Variants in NFIB observed in about 807,000 individuals in gnomAD.
The protein encoded by NFIB is nuclear factor 1 B-type.
In NFIB, 11 loss-of-function variants were observed where a neutral mutation model predicts 61.5. The ratio of observed to expected loss-of-function variants is 0.18; its 90% CI spans 0.11 to 0.30. The LOEUF (loss-of-function observed/expected upper bound fraction) is 0.30, where lower values mean the gene tolerates loss of function less well. Among genes scored for constraint, NFIB ranks in the 10% least tolerant of loss-of-function variants. The pLI, the probability that NFIB is intolerant of heterozygous loss-of-function variation, is 1.00. For missense variants in NFIB, 471 were observed against 608.9 expected (o/e 0.77, Z 2.38); for synonymous variants, 260 against 216.5 (o/e 1.20, Z -1.76).
chr9:14,523,429 A>G, the NFIB span, among the ~76,000 whole-genome samples: 1 of 151,938 alleles, frequency 6.6e-6, no homozygotes, highest in Non-Finnish European at 1.5e-5. Flanking sequence ...TACCCATTCT[A>G]CTTGAGGTTT....
chr9:14,202,687 T>A (rs1040380892), intron 2 of NFIB, among the ~76,000 whole-genome samples: 1 of 152,210 alleles, frequency 6.6e-6, no homozygotes, highest in South Asian at 2.1e-4. Context: ...ACGACCCATA[T>A]GTGTAGTATT....
chr9:14,516,146 G>A, the NFIB span, among the ~76,000 whole-genome samples: 3 of 152,214 alleles, frequency 2.0e-5, no homozygotes, highest in East Asian at 1.9e-4. Context: ...ACAGTCAGGC[G>A]CAGGCCCCAG....
At position 14,120,324 on chromosome 9, in the gene NFIB, T is replaced by C. The variant is rs2038756624; in HGVS notation, c.1245+116A>G. The C allele has an allele frequency of 1.8e-6, 2 of 1,132,752 alleles. No individual in the cohort carries two copies. The highest frequency in any genetic ancestry group is 2.6e-6 in the Non-Finnish European group (2 of 759,362). The allele number at this position is 1,132,752 out of a possible 1,614,324, so 70.2% of individuals were successfully genotyped here. A position where few individuals can be genotyped will look rare whatever the true frequency, so the allele number is the denominator to read the frequency against. ...GAGTCACCAAGCAACTTCCTGAAGA[T>C]GGATTTCAAGGCTTGACGTTCTGCC... On this transcript the variant is annotated intron_variant, in intron 8 of 10. Coordinates refer to ENST00000380953, the MANE Select transcript of NFIB (RefSeq NM_001190737.2). This position sits in a 1 kb window ranked among gnomAD's most constrained non-coding sequence, Gnocchi z 4.4.
the NFIB span, among the ~76,000 whole-genome samples, chr9:14,427,467 A>G: frequency 6.6e-6 from 1 of 152,188 alleles, no homozygotes; most frequent in Non-Finnish European, 1.5e-5. Context: ...AAAGTCATCA[A>G]GCAGGTAATT....
intron 1 of NFIB, among the ~76,000 whole-genome samples, chr9:14,358,994 G>C (rs2061208154): frequency 6.6e-6 from 1 of 152,182 alleles, no homozygotes. Flanking sequence ...TCTGGTAGTA[G>C]AAACACCGGA....
intron 2 of NFIB, among the ~76,000 whole-genome samples, chr9:14,195,922 A>G (rs1023004829): frequency 6.6e-6 from 1 of 152,160 alleles, no homozygotes; most frequent in African/African-American, 2.4e-5. Context: ...GAAAATGCAT[A>G]ATAATAAAAT....
intron 4 of NFIB, among the ~76,000 whole-genome samples, chr9:14,151,011 G>A (rs558678612): frequency 6.6e-6 from 1 of 152,206 alleles, no homozygotes; most frequent in South Asian, 2.1e-4. Context: ...GCAGCATATT[G>A]TGTTAGAATC....
chr9:14,528,509 A>G, the NFIB span, among the ~76,000 whole-genome samples: 1 of 152,192 alleles, frequency 6.6e-6, no homozygotes, highest in African/African-American at 2.4e-5. Flanking sequence ...ACTATTTACA[A>G]GACTACGAGA....
the NFIB span, among the ~76,000 whole-genome samples, chr9:14,415,194 T>C: frequency 3.9e-5 from 6 of 152,206 alleles, no homozygotes; most frequent in Non-Finnish European, 7.3e-5. Context: ...GGCCCCACTT[T>C]CTTGCTGGCT....
At chr9:14,420,445 CAAAAAAAAAAAA>C in the NFIB span, among the ~76,000 whole-genome samples, 2 of 42,418 alleles carry the variant, frequency 4.7e-5, no homozygotes, top group African/African-American at 9.5e-5. Flanking sequence ...GACTCCGTCT[CAAAAAAAAAAAA>C]AAAAAAAAAA....
chr9:14,527,494 T>C, the NFIB span, among the ~76,000 whole-genome samples: 1 of 152,210 alleles, frequency 6.6e-6, no homozygotes, highest in Non-Finnish European at 1.5e-5. Context: ...AATAGCTATA[T>C]AGTTAGCAAC....
intron 1 of NFIB, among the ~76,000 whole-genome samples, chr9:14,354,703 G>T (rs914282980): frequency 5.3e-5 from 8 of 152,180 alleles, no homozygotes; most frequent in Admixed American, 1.3e-4. Flanking sequence ...TTTCTGAGGT[G>T]AGCAGTCAGT....
Position 14,090,158 on chromosome 9 carries a change from T to C in NFIB, c.1468-1832A>G, listed in dbSNP as rs549474603. The stretch of plus-strand genomic sequence containing the variant: ...GATTTGATCCCCTATAAAAAGAAAA[T>C]AGGTATCTCTGAATTTAAAATTAGA... On this transcript the variant is annotated intron_variant, in intron 10 of 10. Coordinates refer to ENST00000380953, the MANE Select transcript of NFIB (RefSeq NM_001190737.2). Among the ~76,000 whole-genome samples the C allele has an allele frequency of 5.9e-5, 9 of 152,200 alleles. No homozygotes were observed. The South Asian group carries it at 1.7e-3, about 28-fold the overall frequency.
chr9:14,083,682 T>C lies in NFIB; in HGVS notation c.*4627A>G, dbSNP rs775866541. The C allele has an allele frequency of 1.3e-5, 3 of 224,218 alleles. No homozygotes were observed. Among genetic ancestry groups the C allele is most frequent in the Non-Finnish European group, 2.7e-5 (3 of 112,066 alleles). The allele number at this position is 224,218 out of a possible 1,614,324, so 13.9% of individuals were successfully genotyped here. A position where few individuals can be genotyped will look rare whatever the true frequency, so the allele number is the denominator to read the frequency against. ...CTGTACACTGAATATGGGATAACTT[T>C]CTGCAGCCTTCATCATTTCACACAG... On this transcript the variant is annotated 3_prime_UTR_variant, in exon 11 of 11. Coordinates refer to ENST00000380953, the MANE Select transcript of NFIB (RefSeq NM_001190737.2).
At chr9:14,236,568 G>A (rs560505744) in intron 2 of NFIB, among the ~76,000 whole-genome samples, 1 of 152,274 alleles carries the variant, frequency 6.6e-6, no homozygotes, top group South Asian at 2.1e-4. Flanking sequence ...ATCCGTGCTG[G>A]ACTAACTGAA....
In NFIB at chr9:14,229,231, T is replaced by C. The variant is rs1174252013; in HGVS notation, c.563-49451A>G. Among the ~76,000 whole-genome samples, 6 of 152,184 alleles carry C rather than the reference T, an allele frequency of 3.9e-5. No homozygotes were observed. The East Asian group carries it at 5.8e-4, about 15-fold the overall frequency. ...AATGGTCGGAACTCAATGAATTCTA[T>C]TGAACCAATAACATATTAGGTGATC... On this transcript the variant is annotated intron_variant, in intron 2 of 10. Coordinates refer to ENST00000380953, the MANE Select transcript of NFIB (RefSeq NM_001190737.2).
intron 1 of NFIB, among the ~76,000 whole-genome samples, chr9:14,355,372 A>G (rs888008887): frequency 6.6e-6 from 1 of 152,160 alleles, no homozygotes; most frequent in Non-Finnish European, 1.5e-5. Context: ...TGACAACTTG[A>G]TCTCAGACTT....
rs544429919 is a variant in NFIB, at chr9:14,150,183, C to T, written c.768G>A (p.Gly256=). 3.7e-6 allele frequency: 6 copies of T among 1,613,456 alleles called. No homozygotes were observed. In the Admixed American group the frequency reaches 8.3e-5, roughly 22 times the overall value. The change falls in exon 5 of 11, where the codon GGG becomes GGA. Residue 256 remains glycine (G), a synonymous_variant. Transcript: ENST00000380953. ...SQPYYHDMNS[G]VNLQRSLSSP... is the part of the protein sequence containing the mutation. ...AAGACAGAGACCTCTGAAGATTGAC[C>T]CCCGAGTTCATGTCATGATAGTATG...
intron 10 of NFIB, among the ~76,000 whole-genome samples, chr9:14,099,908 C>T (rs1415270738): frequency 6.6e-6 from 1 of 152,024 alleles, no homozygotes; most frequent in East Asian, 1.9e-4. Flanking sequence ...CCAGTGTGTG[C>T]TAAAAATACA....
Sources: allele counts gnomAD v4.1 joint callset (sites outside exome capture counted in the v4.1 genomes callset), GRCh38; gene constraint gnomAD v4.1.1; non-coding constraint Gnocchi (gnomAD v3.1); transcripts MANE v1.5; gene names NCBI Gene and HGNC (gene_info 2026-07-23, HGNC 2026-07-21).